Variants in SEZ6L observed in about 807,000 individuals in gnomAD.
The protein encoded by SEZ6L is seizure 6-like protein.
A neutral mutation model predicts 106.2 loss-of-function variants in SEZ6L; 37 were observed. The observed-to-expected ratio is 0.35, with a 90% confidence interval of 0.27 to 0.46. The LOEUF (loss-of-function observed/expected upper bound fraction) is 0.46. Among genes scored for constraint, SEZ6L ranks in the 20% least tolerant of loss-of-function variants. The pLI is 1.00. For missense variants in SEZ6L, 1,172 were observed against 1,332.8 expected (o/e 0.88, Z 1.88); for synonymous variants, 541 against 570.4 (o/e 0.95, Z 0.73).
chr22:26,231,280 A>G (rs777349438), intron 1 of SEZ6L, among the ~76,000 whole-genome samples: 1 of 152,194 alleles, frequency 6.6e-6, no homozygotes, highest in Non-Finnish European at 1.5e-5. Context: ...GGTCATTGCC[A>G]TGGAAAGGGA....
At chr22:26,214,090 A>G (rs1281401362) in intron 1 of SEZ6L, among the ~76,000 whole-genome samples, 4 of 152,252 alleles carry the variant, frequency 2.6e-5, no homozygotes, top group African/African-American at 7.2e-5. Context: ...CAAGAATTCA[A>G]AGAGGTCTGC....
chr22:26,358,687 G>T (rs1395250476), intron 12 of SEZ6L, among the ~76,000 whole-genome samples: 3 of 152,194 alleles, frequency 2.0e-5, no homozygotes, highest in African/African-American at 7.2e-5. Context: ...AGAACGGCTG[G>T]AGTTACACCA....
intron 9 of SEZ6L, among the ~76,000 whole-genome samples, chr22:26,318,683 C>A (rs139802891): frequency 6.6e-6 from 1 of 152,260 alleles, no homozygotes; most frequent in East Asian, 1.9e-4. Flanking sequence ...GCTTCCTCAC[C>A]ACTTCACTTG....
chr22:26,191,435 G>A (rs750486132), intron 1 of SEZ6L, among the ~76,000 whole-genome samples: 2 of 152,158 alleles, frequency 1.3e-5, no homozygotes, highest in Non-Finnish European at 2.9e-5. Context: ...GTCCTTTCCA[G>A]GGACATGGAT....
intron 7 of SEZ6L, 143 bp downstream of exon 7, chr22:26,310,979 G>A: frequency 5.1e-6 from 4 of 780,030 alleles, no homozygotes; most frequent in East Asian, 2.5e-5. Context: ...TCCAAAGACA[G>A]GCTCTTGGTT....
At chr22:26,233,460 G>T in intron 1 of SEZ6L, among the ~76,000 whole-genome samples, 1 of 152,222 alleles carries the variant, frequency 6.6e-6, no homozygotes, top group East Asian at 1.9e-4. Flanking sequence ...GGAGGGCTGT[G>T]CTGTATTCAT....
intron 11 of SEZ6L, among the ~76,000 whole-genome samples, chr22:26,349,318 C>T (rs958837752): frequency 6.6e-5 from 10 of 152,188 alleles, no homozygotes; most frequent in Non-Finnish European, 1.3e-4. Flanking sequence ...CCTGTCTTGA[C>T]ATTGAAAGAC....
chr22:26,283,626 T>C (rs531778514), intron 1 of SEZ6L, among the ~76,000 whole-genome samples: 2 of 152,368 alleles, frequency 1.3e-5, no homozygotes, highest in South Asian at 4.1e-4. Flanking sequence ...AGCATTTATA[T>C]AATATTTTTA....
chr22:26,265,208 T>C (rs532532999), intron 1 of SEZ6L, among the ~76,000 whole-genome samples: 1 of 152,270 alleles, frequency 6.6e-6, no homozygotes, highest in Admixed American at 6.5e-5. Flanking sequence ...GGGGCAAGTT[T>C]CCTTACACCA....
chr22:26,320,057 CA>C (rs1316055647), intron 9 of SEZ6L, among the ~76,000 whole-genome samples: 2 of 152,138 alleles, frequency 1.3e-5, no homozygotes, highest in Non-Finnish European at 2.9e-5. Context: ...TAAGAAATAA[CA>C]TTTGGCTAAA....
intron 1 of SEZ6L, among the ~76,000 whole-genome samples, chr22:26,285,629 G>A (rs747695599): frequency 1.6e-4 from 25 of 152,184 alleles, no homozygotes; most frequent in Non-Finnish European, 2.9e-4. Context: ...TTTGCTGCTG[G>A]CATCTAGTGG....
intron 1 of SEZ6L, among the ~76,000 whole-genome samples, chr22:26,215,939 C>T (rs1295404395): frequency 6.6e-6 from 1 of 152,214 alleles, no homozygotes; most frequent in Non-Finnish European, 1.5e-5. Flanking sequence ...ACTGAATCAT[C>T]CCAGCTTCTC....
At chr22:26,377,593 G>C (rs185653556) in intron 15 of SEZ6L, 80 bp from the exon 16 acceptor site, 13 of 1,157,938 alleles carry the variant, frequency 1.1e-5, no homozygotes, top group Non-Finnish European at 1.6e-5. Flanking sequence ...TCAGGAAGTG[G>C]CACCAACTGT....
intron 9 of SEZ6L, among the ~76,000 whole-genome samples, chr22:26,322,053 A>G (rs560248807): frequency 6.6e-6 from 1 of 152,342 alleles, no homozygotes; most frequent in African/African-American, 2.4e-5. Context: ...TTATGCAGAG[A>G]TAATAATTAC....
intron 5 of SEZ6L, among the ~76,000 whole-genome samples, chr22:26,299,412 T>C (rs1225922426): frequency 1.3e-5 from 2 of 152,212 alleles, no homozygotes; most frequent in Non-Finnish European, 2.9e-5. Context: ...ACTACCTAGC[T>C]CCAAAACATC....
chr22:26,271,365 G>A (rs1318384140), intron 1 of SEZ6L, among the ~76,000 whole-genome samples: 1 of 152,120 alleles, frequency 6.6e-6, no homozygotes, highest in African/African-American at 2.4e-5. Context: ...ATTCTGTTGG[G>A]AATATTCCTA....
At chr22:26,311,725 T>A (rs754915835) in intron 7 of SEZ6L, 43 bp from the exon 8 acceptor site, 1 of 1,549,666 alleles carries the variant, frequency 6.5e-7, no homozygotes, top group South Asian at 1.1e-5. Flanking sequence ...CGTGGGGTAG[T>A]CCCTGCATCA....
chr22:26,264,261 C>T (rs1352120982), intron 1 of SEZ6L, among the ~76,000 whole-genome samples: 1 of 152,206 alleles, frequency 6.6e-6, no homozygotes, highest in African/African-American at 2.4e-5. Context: ...CTGAGGTTGA[C>T]AACAGAGCAC....
intron 1 of SEZ6L, among the ~76,000 whole-genome samples, chr22:26,288,700 C>T (rs1335715117): frequency 2.0e-5 from 3 of 152,214 alleles, no homozygotes; most frequent in African/African-American, 7.2e-5. Context: ...GCAATGGATG[C>T]AAAGCCCTCT....
Sources: allele counts gnomAD v4.1 joint callset (sites outside exome capture counted in the v4.1 genomes callset), GRCh38; gene constraint gnomAD v4.1.1; transcripts MANE v1.5; gene names NCBI Gene and HGNC (gene_info 2026-07-23, HGNC 2026-07-21).